DAB1: variants seen among roughly 807,000 people sequenced by gnomAD.
DAB1 encodes DAB adaptor protein 1.
DAB1 carries 15 observed loss-of-function variants against 64.6 expected under a neutral mutation model. The ratio of observed to expected loss-of-function variants is 0.23; its 90% CI spans 0.16 to 0.36. The LOEUF (loss-of-function observed/expected upper bound fraction) is 0.36. DAB1 is among the 10% of genes least tolerant of loss of function. The probability of loss-of-function intolerance (pLI) is 1.00; values close to 1 mark genes in which losing one functional copy is unlikely to be tolerated. For missense variants in DAB1, 596 were observed against 706.7 expected, an observed-to-expected ratio of 0.84 and a Z score of 1.78; for synonymous variants, 235 against 251.9, an observed-to-expected ratio of 0.93 and a Z score of 0.64.
chr1:58,373,165 T>C (rs1395686068), intron 3 of DAB1, among the ~76,000 whole-genome samples: 1 of 147,408 alleles, frequency 6.8e-6, no homozygotes, highest in Non-Finnish European at 1.5e-5. Context: ...CAGCTTACTA[T>C]TTTCTTTTTT....
rs58869076 is a variant in DAB1 at position 57,227,013 on chromosome 1, CAA to C, written c.67+63949_67+63950del. On this transcript the variant is annotated intron_variant, in intron 2 of 14. Coordinates refer to ENST00000371236, the MANE Select transcript of DAB1 (RefSeq NM_001365792.1). ...GGCAACATAGTGAGACACCATCTCT[CAA>C]AAAAAAAAAAAATTGCCATGTGTAG... is the stretch of plus-strand genomic sequence containing the variant. Among the ~76,000 whole-genome samples the C allele has an allele frequency of 9.7e-3, 1,330 of 137,494 alleles. 22 individuals carry two copies. Among genetic ancestry groups the C allele is most frequent in the African/African-American group, 0.032 (1,227 of 38,834 alleles). The allele number at this position is 137,494 out of a possible 152,430, so 90.2% of individuals were successfully genotyped here.
rs12239953 is a variant in DAB1 at position 58,067,804 on chromosome 1, G to T, written n.387+82707C>A. 2.3e-4 allele frequency among the ~76,000 whole-genome samples: 35 copies of T among 152,300 alleles called. No individual in the cohort carries two copies. The East Asian group carries it at 5.0e-3, about 22-fold the overall frequency. On this transcript the variant is annotated intron_variant and non_coding_transcript_variant, in intron 5 of 20. Transcript: ENST00000485760. ...CAACCAGTTCATCTGTACAATGAGTGGGGGGTAATGAGTGTTCCATACACA... is the reference window on the plus strand; with the variant it reads ...CAACCAGTTCATCTGTACAATGAGTTGGGGGTAATGAGTGTTCCATACACA...
chr1:58,456,739 C>T (rs706460), intron 3 of DAB1, among the ~76,000 whole-genome samples: 3,640 of 152,224 alleles, frequency 0.024, 144 homozygotes, highest in African/African-American at 0.082. Flanking sequence ...CCACCACCTC[C>T]AATTAAGCCT....
At chr1:57,658,235 C>T (rs1570712576) in intron 6 of DAB1, among the ~76,000 whole-genome samples, 1 of 151,908 alleles carries the variant, frequency 6.6e-6, no homozygotes, top group East Asian at 1.9e-4. Flanking sequence ...GCTTCTATGT[C>T]TTGCAATGTC....
At chr1:57,872,157 A>G (rs1210495036) in intron 1 of DAB1, among the ~76,000 whole-genome samples, 1 of 152,222 alleles carries the variant, frequency 6.6e-6, no homozygotes, top group Non-Finnish European at 1.5e-5. Flanking sequence ...ATTAATAGTT[A>G]AATACTATAA....
At chr1:58,190,840 A>G (rs1191338609) in intron 4 of DAB1, among the ~76,000 whole-genome samples, 1 of 152,268 alleles carries the variant, frequency 6.6e-6, no homozygotes, top group East Asian at 1.9e-4. Flanking sequence ...TTACTGAGCA[A>G]GTTGACTATT....
intron 4 of DAB1, among the ~76,000 whole-genome samples, chr1:58,151,357 G>A (rs1654925389): frequency 6.6e-6 from 1 of 152,166 alleles, no homozygotes; most frequent in Admixed American, 6.5e-5. Flanking sequence ...AGCATCTGTT[G>A]TTTCCTGACT....
At chr1:58,338,106 G>A (rs768712474) in intron 4 of DAB1, among the ~76,000 whole-genome samples, 1 of 152,114 alleles carries the variant, frequency 6.6e-6, no homozygotes, top group Non-Finnish European at 1.5e-5. Context: ...TTGAACACCT[G>A]GGGAACACCT....
At chr1:57,935,504 TG>T (rs1183366861) in intron 5 of DAB1, among the ~76,000 whole-genome samples, 1 of 152,214 alleles carries the variant, frequency 6.6e-6, no homozygotes, top group African/African-American at 2.4e-5. Flanking sequence ...AGGTAGTAAA[TG>T]TCTGCGGGTC....
intron 7 of DAB1, among the ~76,000 whole-genome samples, chr1:57,629,188 C>T (rs916028618): frequency 3.3e-5 from 5 of 152,186 alleles, no homozygotes; most frequent in Admixed American, 2.6e-4. Context: ...GAAAGGGACA[C>T]ATTTACTGTT....
chr1:57,325,966 G>C lies in DAB1; in HGVS notation c.-136-34800C>G, dbSNP rs754100353. On this transcript the variant is annotated intron_variant, in intron 1 of 14. Transcript: ENST00000371236. ...CACAAATGAATTCGACTAAGTAATT[G>C]CTTGACTTCTTTCCAGCATTAAAGA... Among the ~76,000 whole-genome samples, 4 of 152,062 alleles carry C rather than the reference G, an allele frequency of 2.6e-5. No homozygotes were observed. The South Asian group carries it at 8.3e-4, about 32-fold the overall frequency.
intron 1 of DAB1, among the ~76,000 whole-genome samples, chr1:57,420,155 C>T (rs946671551): frequency 1.3e-5 from 2 of 152,186 alleles, no homozygotes; most frequent in Admixed American, 6.5e-5. Flanking sequence ...ATTTTGTTTG[C>T]TAGCATCCAA....
chr1:57,543,539 TA>T (rs920199479), intron 7 of DAB1, among the ~76,000 whole-genome samples: 5 of 152,056 alleles, frequency 3.3e-5, no homozygotes, highest in Admixed American at 3.3e-4. Context: ...AATGGGCATA[TA>T]AAAAACAAAC....
chr1:57,451,105 T>C (rs17115796), intron 7 of DAB1, among the ~76,000 whole-genome samples: 6,418 of 152,192 alleles, frequency 0.042, 214 homozygotes, highest in East Asian at 0.17. Flanking sequence ...TACAGGTCTA[T>C]TCCTTGCCCT....
At chr1:57,326,257 C>T (rs1676147873) in intron 1 of DAB1, among the ~76,000 whole-genome samples, 2 of 152,232 alleles carry the variant, frequency 1.3e-5, no homozygotes, top group Non-Finnish European at 2.9e-5. Flanking sequence ...CACTTAGAAA[C>T]ATTCAACCTT....
intron 7 of DAB1, among the ~76,000 whole-genome samples, chr1:57,577,677 G>T (rs150699771): frequency 1.3e-5 from 2 of 152,060 alleles, no homozygotes; most frequent in Admixed American, 1.3e-4. Flanking sequence ...TCCACTCTAG[G>T]GGGAGGGGTG....
intron 2 of DAB1, among the ~76,000 whole-genome samples, chr1:57,178,864 A>G (rs930924521): frequency 1.3e-5 from 2 of 151,844 alleles, no homozygotes; most frequent in African/African-American, 4.8e-5. Context: ...AGGTGCTTTA[A>G]AAAAAAAGGA....
intron 6 of DAB1, among the ~76,000 whole-genome samples, chr1:57,722,332 A>G (rs1282650593): frequency 6.6e-6 from 1 of 152,192 alleles, no homozygotes; most frequent in Non-Finnish European, 1.5e-5. Flanking sequence ...GGGCAGTCAT[A>G]AGAATAAAAA....
At chr1:57,022,135 G>C (rs1357633713) in intron 11 of DAB1, among the ~76,000 whole-genome samples, 1 of 152,186 alleles carries the variant, frequency 6.6e-6, no homozygotes, top group Non-Finnish European at 1.5e-5. Flanking sequence ...CTGGAACATA[G>C]AGGGCACCTG....
Sources: gnomAD v4.1 joint callset for allele counts (sites outside exome capture counted in the v4.1 genomes callset) on GRCh38, gnomAD v4.1.1 for gene constraint, MANE v1.5 for transcripts, NCBI Gene and HGNC (gene_info 2026-07-23, HGNC 2026-07-21) for gene names.